Variants in RBFOX1 observed in about 807,000 individuals in gnomAD.
RBFOX1 encodes the protein RNA binding fox-1 homolog 1, also known as RNA binding protein fox-1 homolog 1.
In RBFOX1, 8 loss-of-function variants were observed where a neutral mutation model predicts 57.7. The ratio of observed to expected loss-of-function variants is 0.14; its 90% CI spans 0.08 to 0.25. The LOEUF is 0.25. RBFOX1 is among the 10% of genes least tolerant of loss of function. The pLI is 1.00. For missense variants in RBFOX1, 611 were observed against 548.5 expected (o/e 1.11, Z -1.14); for synonymous variants, 326 against 222.4 (o/e 1.47, Z -4.15).
At chr16:6,824,377 C>T (rs1347774003) in intron 3 of RBFOX1, among the ~76,000 whole-genome samples, 2 of 152,152 alleles carry the variant, frequency 1.3e-5, no homozygotes, top group Non-Finnish European at 2.9e-5. Flanking sequence ...CAGCATGCTC[C>T]AATCTGGGCA....
At chr16:6,582,370 C>T (rs2097548124) in intron 2 of RBFOX1, among the ~76,000 whole-genome samples, 1 of 151,792 alleles carries the variant, frequency 6.6e-6, no homozygotes, top group African/African-American at 2.4e-5. Flanking sequence ...CTAAATTTAA[C>T]AATTAATGAT....
At chr16:6,461,690 G>A (rs1442050031) in intron 2 of RBFOX1, among the ~76,000 whole-genome samples, 1 of 152,110 alleles carries the variant, frequency 6.6e-6, no homozygotes, top group Non-Finnish European at 1.5e-5. Context: ...AATCTTTAAT[G>A]GAAGATTATT....
intron 1 of RBFOX1, among the ~76,000 whole-genome samples, chr16:6,149,640 G>C (rs2152721301): frequency 6.6e-6 from 1 of 152,266 alleles, no homozygotes; most frequent in Middle Eastern, 3.4e-3. Context: ...GGTTTGAATA[G>C]CTGTGTCTTG....
At chr16:6,556,847 C>T (rs2097104653) in intron 2 of RBFOX1, among the ~76,000 whole-genome samples, 1 of 151,814 alleles carries the variant, frequency 6.6e-6, no homozygotes, top group Non-Finnish European at 1.5e-5. Context: ...GCTACCATGG[C>T]AAGACTGGTG....
chr16:5,591,208 T>C (rs932771140), intron 2 of RBFOX1, among the ~76,000 whole-genome samples: 2 of 151,946 alleles, frequency 1.3e-5, no homozygotes, highest in Non-Finnish European at 2.9e-5. Flanking sequence ...AAATATAAAA[T>C]GAGTTTTCCT....
At chr16:5,496,481 C>T (rs963823503) in intron 2 of RBFOX1, among the ~76,000 whole-genome samples, 2 of 152,130 alleles carry the variant, frequency 1.3e-5, no homozygotes, top group African/African-American at 4.8e-5. Context: ...CTGCAGTGGT[C>T]TCTCTAGTCA....
chr16:7,065,673 T>C (rs533854022), intron 4 of RBFOX1, among the ~76,000 whole-genome samples: 1 of 152,208 alleles, frequency 6.6e-6, no homozygotes, highest in Non-Finnish European at 1.5e-5. Flanking sequence ...ACTTAAAATT[T>C]ACGCTCTCAG....
chr16:6,278,310 G>A (rs2076035650), intron 1 of RBFOX1, among the ~76,000 whole-genome samples: 1 of 127,714 alleles, frequency 7.8e-6, no homozygotes, highest in Non-Finnish European at 1.6e-5. Flanking sequence ...ATGATTCCTT[G>A]CCCTGCAAGG....
At chr16:5,550,023 C>T (rs951596487) in intron 2 of RBFOX1, among the ~76,000 whole-genome samples, 2 of 152,200 alleles carry the variant, frequency 1.3e-5, no homozygotes, top group African/African-American at 4.8e-5. Flanking sequence ...TTACAGCTTT[C>T]TTTGTTTACC....
chr16:6,539,467 A>G (rs1024389398), intron 2 of RBFOX1, among the ~76,000 whole-genome samples: 1 of 152,136 alleles, frequency 6.6e-6, no homozygotes, highest in Non-Finnish European at 1.5e-5. Context: ...ACTCTATTAC[A>G]TAGTTTGGGT....
intron 3 of RBFOX1, among the ~76,000 whole-genome samples, chr16:5,751,509 C>G (rs748304585): frequency 1.3e-5 from 2 of 152,066 alleles, no homozygotes; most frequent in Non-Finnish European, 2.9e-5. Context: ...TTTTTGGTCT[C>G]AAATAGTTAG....
intron 3 of RBFOX1, among the ~76,000 whole-genome samples, chr16:5,712,818 C>G (rs1020072918): frequency 6.6e-6 from 1 of 152,198 alleles, no homozygotes; most frequent in African/African-American, 2.4e-5. Context: ...AATGCTACTT[C>G]TTTTGCCACA....
intron 3 of RBFOX1, among the ~76,000 whole-genome samples, chr16:6,655,114 C>G (rs892573934): frequency 1.3e-5 from 2 of 151,662 alleles, no homozygotes; most frequent in Non-Finnish European, 2.9e-5. Context: ...TGGCTCATGC[C>G]TATAATCCCA....
intron 3 of RBFOX1, among the ~76,000 whole-genome samples, chr16:6,930,687 G>T (rs1001483654): frequency 6.6e-6 from 1 of 152,150 alleles, no homozygotes; most frequent in African/African-American, 2.4e-5. Context: ...TGGGATTACA[G>T]GTGTTAGCCC....
chr16:6,701,041 G>T (rs112640033), intron 3 of RBFOX1, among the ~76,000 whole-genome samples: 17 of 152,074 alleles, frequency 1.1e-4, no homozygotes, highest in East Asian at 3.9e-4. Context: ...GCAGAGGGGG[G>T]GGTGAGTCAG....
At chr16:5,528,212 T>A (rs2151027105) in intron 2 of RBFOX1, among the ~76,000 whole-genome samples, 1 of 152,252 alleles carries the variant, frequency 6.6e-6, no homozygotes, top group Admixed American at 6.5e-5. Flanking sequence ...TTGACGATGA[T>A]CCACAGAGGC....
intron 3 of RBFOX1, among the ~76,000 whole-genome samples, chr16:6,933,329 C>T (rs1037537408): frequency 6.6e-6 from 1 of 152,192 alleles, no homozygotes; most frequent in Non-Finnish European, 1.5e-5. Flanking sequence ...TTTTCCGTAG[C>T]ACTGCATCAT....
intron 2 of RBFOX1, among the ~76,000 whole-genome samples, chr16:6,422,957 C>T (rs2093817337): frequency 6.6e-6 from 1 of 152,212 alleles, no homozygotes; most frequent in Admixed American, 6.5e-5. Flanking sequence ...TTAATGGCCT[C>T]CAGCTGCATC....
intron 1 of RBFOX1, among the ~76,000 whole-genome samples, chr16:5,379,896 T>G (rs989288214): frequency 1.3e-5 from 2 of 152,152 alleles, no homozygotes; most frequent in African/African-American, 4.8e-5. Context: ...TTGGCCAGGG[T>G]AACTCCTTGC....
Sources: allele counts gnomAD v4.1 joint callset (sites outside exome capture counted in the v4.1 genomes callset), GRCh38; gene constraint gnomAD v4.1.1; transcripts MANE v1.5; gene names NCBI Gene and HGNC (gene_info 2026-07-23, HGNC 2026-07-21).